Variants in RTN4RL1 observed in about 807,000 individuals in gnomAD.
RTN4RL1 encodes the protein reticulon-4 receptor-like 1.
RTN4RL1 carries 7 observed loss-of-function variants against 25.6 expected under a neutral mutation model. The observed-to-expected ratio is 0.27, with a 90% confidence interval of 0.16 to 0.51. The LOEUF (loss-of-function observed/expected upper bound fraction) is 0.51. RTN4RL1 is among the 20% of genes least tolerant of loss of function. RTN4RL1 has a pLI of 0.97. For missense variants in RTN4RL1, 500 were observed against 615.6 expected, an observed-to-expected ratio of 0.81 and a Z score of 1.99; for synonymous variants, 297 against 288.2, an observed-to-expected ratio of 1.03 and a Z score of -0.31.
intron 1 of RTN4RL1, among the ~76,000 whole-genome samples, chr17:2,022,374 A>T (rs891118792): frequency 6.6e-6 from 1 of 151,416 alleles, no homozygotes; most frequent in African/African-American, 2.4e-5. Flanking sequence ...CTGGCCTCGA[A>T]CTCCTGGTCT....
intron 1 of RTN4RL1, among the ~76,000 whole-genome samples, chr17:1,975,078 G>A (rs1287056424): frequency 6.6e-6 from 1 of 152,024 alleles, no homozygotes; most frequent in Admixed American, 6.5e-5. Context: ...CACCCATGGT[G>A]ATCTAACTCC....
rs1270329534 is a variant in RTN4RL1 at position 1,935,493 on chromosome 17, C to T, written c.*1003G>A. On this transcript the variant is annotated 3_prime_UTR_variant, in exon 2 of 2. Transcript: ENST00000331238. ...CTCTTGCTGCCTCCCCCTTCCTCAC[C>T]GTCCCGCCGACACCTTGCCCCAGGC... The T allele has an allele frequency of 8.2e-6, 8 of 971,444 alleles. No individual in the cohort carries two copies. The South Asian group carries it at 2.4e-4, about 29-fold the overall frequency. 60.2% of individuals were successfully genotyped at this position (971,444 alleles called of 1,614,324 possible). A position where few individuals can be genotyped will look rare whatever the true frequency, so the allele number is the denominator to read the frequency against.
At chr17:2,014,645 A>G (rs2067095963) in intron 1 of RTN4RL1, among the ~76,000 whole-genome samples, 1 of 152,222 alleles carries the variant, frequency 6.6e-6, no homozygotes, top group Non-Finnish European at 1.5e-5. Flanking sequence ...CAGCCTGGCC[A>G]ACATGGCAAA....
chr17:2,020,868 C>A (rs189757886), intron 1 of RTN4RL1, among the ~76,000 whole-genome samples: 4 of 152,174 alleles, frequency 2.6e-5, no homozygotes, highest in Non-Finnish European at 4.4e-5. Context: ...AGGAAAGCCA[C>A]GGGTCCCGAC....
chr17:2,005,892 G>A (rs2151324246), intron 1 of RTN4RL1, among the ~76,000 whole-genome samples: 1 of 150,908 alleles, frequency 6.6e-6, no homozygotes, highest in African/African-American at 2.4e-5. Context: ...CGCCACCCGG[G>A]TTCCAGCGAT....
At chr17:1,954,533 G>A (rs779432284) in intron 1 of RTN4RL1, among the ~76,000 whole-genome samples, 2 of 151,984 alleles carry the variant, frequency 1.3e-5, no homozygotes, top group Non-Finnish European at 2.9e-5. Flanking sequence ...GATTACAGGT[G>A]CTCACCACCA....
At chr17:2,009,229 G>A (rs1177981615) in intron 1 of RTN4RL1, among the ~76,000 whole-genome samples, 1 of 152,184 alleles carries the variant, frequency 6.6e-6, no homozygotes, top group African/African-American at 2.4e-5. Flanking sequence ...GGAGGCCGAG[G>A]CAGGTGGATC....
intron 1 of RTN4RL1, among the ~76,000 whole-genome samples, chr17:1,956,590 T>A (rs901973675): frequency 6.6e-6 from 1 of 152,168 alleles, no homozygotes; most frequent in East Asian, 1.9e-4. Context: ...GACTGTAATT[T>A]ATTTATCCGT....
chr17:2,010,753 C>T lies in RTN4RL1; in HGVS notation c.13+14100G>A, dbSNP rs961374792. ...AAAAACAAACAAACAAACAAACAAA[C>T]AAACAAAGCACTTTGTAGAGATGAA... On this transcript the variant is annotated intron_variant, in intron 1 of 1. Transcript: ENST00000331238. Among the ~76,000 whole-genome samples, 7 of 149,952 alleles carry T rather than the reference C, an allele frequency of 4.7e-5. No individual in the cohort carries two copies. The South Asian group carries it at 1.0e-3, about 22-fold the overall frequency.
intron 1 of RTN4RL1, among the ~76,000 whole-genome samples, chr17:1,948,798 CT>C (rs1915616700): frequency 6.6e-6 from 1 of 151,552 alleles, no homozygotes; most frequent in Non-Finnish European, 1.5e-5. Flanking sequence ...GTTTTCTTTT[CT>C]TTTTCTTTTT....
intron 1 of RTN4RL1, among the ~76,000 whole-genome samples, chr17:1,978,712 T>C (rs938753621): frequency 6.6e-6 from 1 of 152,166 alleles, no homozygotes; most frequent in African/African-American, 2.4e-5. Flanking sequence ...GCTTAGCAAA[T>C]AGCCCTCCAT....
chr17:2,004,800 G>A (rs1174342950), intron 1 of RTN4RL1, among the ~76,000 whole-genome samples: 10 of 152,164 alleles, frequency 6.6e-5, no homozygotes. Flanking sequence ...GGGCTGGCAT[G>A]TGTCTGTCCT....
chr17:1,950,248 G>C (rs1915645147), intron 1 of RTN4RL1, among the ~76,000 whole-genome samples: 1 of 152,146 alleles, frequency 6.6e-6, no homozygotes, highest in Admixed American at 6.6e-5. Context: ...GTGCTGAATG[G>C]ACCGGACAGA....
chr17:1,988,141 G>A (rs1353839596), intron 1 of RTN4RL1, among the ~76,000 whole-genome samples: 2 of 151,770 alleles, frequency 1.3e-5, no homozygotes, highest in South Asian at 2.1e-4. Context: ...GAAGGAGGCC[G>A]GGCATGGTGG....
chr17:2,024,847 A>G lies in RTN4RL1; in HGVS notation c.13+6T>C, dbSNP rs757637698. ...ACTTCAACTTGCCCCTGCGGCTCCAACTCACCTTTGCGAAGCATGTTGGCC... is the reference window on the plus strand; with the variant it reads ...ACTTCAACTTGCCCCTGCGGCTCCAGCTCACCTTTGCGAAGCATGTTGGCC... On this transcript the variant is annotated splice_donor_region_variant and intron_variant, in intron 1 of 1. Transcript: ENST00000331238. The G allele has an allele frequency of 8.9e-6, 14 of 1,579,592 alleles. No homozygotes were observed. In the Admixed American group the frequency reaches 1.1e-4, roughly 12 times the overall value.
intron 1 of RTN4RL1, among the ~76,000 whole-genome samples, chr17:1,970,641 A>G (rs566812438): frequency 1.8e-4 from 27 of 152,138 alleles, no homozygotes; most frequent in Non-Finnish European, 3.7e-4. Flanking sequence ...TGCCCTCGGC[A>G]TCTAGCAGGG....
intron 1 of RTN4RL1, chr17:2,020,233 A>G (rs866851432): frequency 6.6e-6 from 1 of 152,306 alleles, no homozygotes; most frequent in Middle Eastern, 3.4e-3. Context: ...AGCCTCCTTG[A>G]TAAGGGTTCT....
At chr17:1,968,062 A>G (rs2066800586) in intron 1 of RTN4RL1, among the ~76,000 whole-genome samples, 1 of 151,962 alleles carries the variant, frequency 6.6e-6, no homozygotes. Context: ...GTTCCTTCTC[A>G]GCCCCTGGCA....
chr17:1,998,691 G>A lies in RTN4RL1; in HGVS notation c.13+26162C>T. ...GCGGCGCTTTCCTGCCCAAGCTGGC[G>A]CTGCCGGAGCGCCCGGGCCCCGCTC... On this transcript the variant is annotated intron_variant, in intron 1 of 1. Coordinates refer to ENST00000331238, the MANE Select transcript of RTN4RL1 (RefSeq NM_178568.4). This position sits in a 1 kb window ranked among gnomAD's most constrained non-coding sequence, Gnocchi z 4.9. Among the ~76,000 whole-genome samples the A allele has an allele frequency of 6.6e-6, 1 of 151,474 alleles. No homozygotes were observed. The highest frequency in any genetic ancestry group is 1.5e-5 in the Non-Finnish European group (1 of 67,850).
Sources: allele counts gnomAD v4.1 joint callset (sites outside exome capture counted in the v4.1 genomes callset), GRCh38; gene constraint gnomAD v4.1.1; non-coding constraint Gnocchi (gnomAD v3.1); transcripts MANE v1.5; gene names NCBI Gene and HGNC (gene_info 2026-07-23, HGNC 2026-07-21).